MAOA: variants seen among roughly 807,000 people sequenced by gnomAD.
MAOA encodes the protein amine oxidase [flavin-containing] A.
A neutral mutation model predicts 42.0 loss-of-function variants in MAOA; 6 were observed. The ratio of observed to expected loss-of-function variants is 0.14; its 90% CI spans 0.08 to 0.28. MAOA has a LOEUF of 0.28. MAOA is among the 10% of genes least tolerant of loss of function. The pLI, the probability that MAOA is intolerant of heterozygous loss-of-function variation, is 1.00. For missense variants in MAOA, 262 were observed against 422.3 expected (o/e 0.62, Z 3.33); for synonymous variants, 140 against 154.0 (o/e 0.91, Z 0.67).
intron 4 of MAOA, 132 bp from the exon 5 acceptor site, chrX:43,712,573 T>C: frequency 1.9e-6 from 1 of 515,957 alleles, no homozygotes; most frequent in Non-Finnish European, 3.5e-6. Flanking sequence ...TGTCTCTATA[T>C]AGAATTCTAT....
intron 12 of MAOA, 187 bp from the exon 13 acceptor site, chrX:43,743,607 A>G: frequency 2.1e-6 from 1 of 476,141 alleles, no homozygotes; most frequent in Admixed American, 3.2e-5. Flanking sequence ...CTGACTTGAA[A>G]GTTCAGATCC....
intron 1 of MAOA, among the ~76,000 whole-genome samples, chrX:43,677,077 T>G (rs1217893885): frequency 9.0e-6 from 1 of 111,678 alleles, no homozygotes; most frequent in East Asian, 2.8e-4. Context: ...AATGTGAATA[T>G]TCTTGAAGAA....
At chrX:43,706,887 C>T (rs1203034038) in intron 3 of MAOA, among the ~76,000 whole-genome samples, 1 of 111,166 alleles carries the variant, frequency 9.0e-6, no homozygotes, top group Non-Finnish European at 1.9e-5. Flanking sequence ...TCTATTTTTC[C>T]AGAGATAGGA....
chrX:43,707,869 A>T (rs1299475475), intron 3 of MAOA, among the ~76,000 whole-genome samples: 8 of 111,616 alleles, frequency 7.2e-5, no homozygotes, highest in Non-Finnish European at 1.5e-4. Context: ...CTCTAATAAC[A>T]CTCACTTCCT....
rs151200307 is a variant in MAOA, at chrX:43,712,109, A to C, written c.411+133A>C. On this transcript the variant is annotated intron_variant, in intron 4 of 14. Transcript: ENST00000338702. ...TCATTTCCCATGTACCCAAACTGCA[A>C]AGTTGGTCGTATTTCCACTTCACAA... The C allele has an allele frequency of 2.0e-3, 1,065 of 528,595 alleles. 9 individuals are homozygous for C. Among genetic ancestry groups the C allele is most frequent in the African/African-American group, 0.02 (848 of 43,391 alleles). 43.6% of individuals were successfully genotyped at this position (528,595 alleles called of 1,213,427 possible).
At chrX:43,717,693 A>G (rs761728290) in intron 5 of MAOA, among the ~76,000 whole-genome samples, 26 of 110,713 alleles carry the variant, frequency 2.3e-4, no homozygotes, top group Non-Finnish European at 4.2e-4. Context: ...GGTATCTTCC[A>G]TGAATGACCC....
chrX:43,667,503 A>C (rs976653144), intron 1 of MAOA, among the ~76,000 whole-genome samples: 1 of 111,710 alleles, frequency 9.0e-6, no homozygotes, highest in African/African-American at 3.3e-5. Flanking sequence ...ATGTACTTGC[A>C]GAAAGATTCC....
At chrX:43,679,374 C>T (rs2033425143) in intron 1 of MAOA, among the ~76,000 whole-genome samples, 1 of 108,008 alleles carries the variant, frequency 9.3e-6, no homozygotes, top group African/African-American at 3.4e-5. Flanking sequence ...ATACTAGATT[C>T]GATTTTATTA....
chrX:43,739,327 AT>A (rs1209822765), intron 10 of MAOA, among the ~76,000 whole-genome samples: 1 of 112,174 alleles, frequency 8.9e-6, no homozygotes. Context: ...CTAATGTTGC[AT>A]GACATCATCT....
At chrX:43,666,879 G>A (rs1024278641) in intron 1 of MAOA, among the ~76,000 whole-genome samples, 1 of 108,880 alleles carries the variant, frequency 9.2e-6, no homozygotes, top group African/African-American at 3.4e-5. Flanking sequence ...TACTTGCATG[G>A]CTCACTTCCT....
chrX:43,744,499 C>T lies in MAOA; in HGVS notation c.1570C>T (p.Leu524=). The T allele has an allele frequency of 2.5e-6, 3 of 1,210,593 alleles. No homozygotes were observed. Among genetic ancestry groups the T allele is most frequent in the Non-Finnish European group, 3.4e-6 (3 of 894,777 alleles). The change falls in exon 15 of 15, where the codon CTG becomes TTG. Residue 524 remains leucine, a synonymous_variant. Coordinates refer to ENST00000338702, the MANE Select transcript of MAOA (RefSeq NM_000240.4). ...GTTTGTGCTGTACAAATACAAGCTCCTGCCACGGTCTTGAAGTTCTGTTCT... is the reference window on the plus strand; with the variant it reads ...GTTTGTGCTGTACAAATACAAGCTCTTGCCACGGTCTTGAAGTTCTGTTCT... ...LGFVLYKYKL[L]PRS
rs1601951271 is a variant in MAOA, at chrX:43,743,665, G to A, written c.1263-129G>A. On this transcript the variant is annotated intron_variant, in intron 12 of 14. Transcript: ENST00000338702. ...AAAGTGGCCTTTCACCTTGGGCTAA[G>A]TCATACGGGTGTTTTTTAAACAGTC... is the stretch of plus-strand genomic sequence containing the variant. The A allele has an allele frequency of 8.5e-6, 7 of 824,657 alleles. No individual in the cohort carries two copies. In the East Asian group the frequency reaches 2.4e-4, roughly 29 times the overall value. 68.0% of individuals were successfully genotyped at this position (824,657 alleles called of 1,213,427 possible). A position where few individuals can be genotyped will look rare whatever the true frequency, so the allele number is the denominator to read the frequency against.
At position 43,746,669 on chromosome X, in the gene MAOA, T is replaced by G. The variant is rs1385240889; in HGVS notation, c.*2156T>G. 1 of 112,245 alleles carries G rather than the reference T, an allele frequency of 8.9e-6. No homozygotes were observed. The highest frequency in any genetic ancestry group is 2.8e-4 in the East Asian group (1 of 3,566). The allele number at this position is 112,245 out of a possible 1,213,427, so 9.3% of individuals were successfully genotyped here. A position where few individuals can be genotyped will look rare whatever the true frequency, so the allele number is the denominator to read the frequency against. On this transcript the variant is annotated 3_prime_UTR_variant, in exon 15 of 15. Transcript: ENST00000338702. The stretch of plus-strand genomic sequence containing the variant: ...GGATTGTGAACTATGTTTAGTGTGA[T>G]TGTGAACTTGGTGCCTAATGTTCCA...
intron 6 of MAOA, among the ~76,000 whole-genome samples, chrX:43,728,888 G>A (rs1193960517): frequency 8.9e-6 from 1 of 112,841 alleles, no homozygotes; most frequent in Non-Finnish European, 1.9e-5. Context: ...AATTCATTTC[G>A]TTCATTGGCT....
At chrX:43,718,681 A>G (rs1176386969) in intron 5 of MAOA, among the ~76,000 whole-genome samples, 1 of 109,572 alleles carries the variant, frequency 9.1e-6, no homozygotes, top group Non-Finnish European at 1.9e-5. Flanking sequence ...GGGCAGAGAG[A>G]GAAAGCATGA....
intron 1 of MAOA, among the ~76,000 whole-genome samples, chrX:43,665,982 C>T (rs371393559): frequency 4.6e-4 from 52 of 112,359 alleles, no homozygotes; most frequent in African/African-American, 1.7e-3. Flanking sequence ...AATCTGCTGA[C>T]TTACTTAGGC....
chrX:43,673,198 T>G (rs1232196248), intron 1 of MAOA, among the ~76,000 whole-genome samples: 1 of 111,740 alleles, frequency 8.9e-6, no homozygotes. Flanking sequence ...ATTTATCCAT[T>G]TCTTCTAGAT....
intron 11 of MAOA, 42 bp downstream of exon 11, chrX:43,740,780 G>T (rs1490114220): frequency 9.0e-7 from 1 of 1,112,468 alleles, no homozygotes; most frequent in Non-Finnish European, 1.2e-6. Context: ...GTTCTTCTCT[G>T]TTCACTATAA....
In MAOA at chrX:43,731,815, G is replaced by C; in HGVS notation, c.917G>C (p.Cys306Ser). 1 of 1,210,240 alleles carries C rather than the reference G, an allele frequency of 8.3e-7. No individual in the cohort carries two copies. Residue 306 changes from cysteine to serine, a missense_variant, in exon 8 of 15, where the codon TGC becomes TCC. Physicochemically the swap from Cys to Ser is moderately radical, Grantham distance 112 (BLOSUM62 -1). Transcript: ENST00000338702. ...CTTCCAATGGGAGCTGTCATTAAGTGCATGATGTATTACAAGGAGGCCTTC... is the reference window on the plus strand; with the variant it reads ...CTTCCAATGGGAGCTGTCATTAAGTCCATGATGTATTACAAGGAGGCCTTC... The part of the protein sequence containing the change: ...QRLPMGAVIK[C>S]MMYYKEAFWK...
Sources: allele counts gnomAD v4.1 joint callset (sites outside exome capture counted in the v4.1 genomes callset), GRCh38; gene constraint gnomAD v4.1.1; transcripts MANE v1.5; gene names NCBI Gene and HGNC (gene_info 2026-07-23, HGNC 2026-07-21).